FAAH: variants seen among roughly 807,000 people sequenced by gnomAD.
FAAH encodes fatty acid amide hydrolase.
A neutral mutation model predicts 69.7 loss-of-function variants in FAAH; 63 were observed. The observed-to-expected ratio is 0.90, with a 90% CI of 0.74 to 1.12. The LOEUF (loss-of-function observed/expected upper bound fraction) is 1.12. Among genes scored for constraint, FAAH ranks in the 50% most tolerant of loss-of-function variants. FAAH has a pLI of 0.00. For missense variants in FAAH, 680 were observed against 755.0 expected (o/e 0.90, Z 1.16); for synonymous variants, 305 against 324.2 (o/e 0.94, Z 0.64).
intron 1 of FAAH, among the ~76,000 whole-genome samples, chr1:46,399,564 G>C (rs1664660026): frequency 6.6e-6 from 1 of 152,248 alleles, no homozygotes; most frequent in Non-Finnish European, 1.5e-5. Flanking sequence ...CAGGCACTCT[G>C]TGGGCGCCTT....
rs763796163 is a variant in FAAH at position 46,411,633 on chromosome 1, A to C, written c.1338A>C (p.Glu446Asp). Reference protein sequence around the residue: ...MKSRSAGKLWELQHEIEVYRK... With the variant: ...MKSRSAGKLWDLQHEIEVYRK... ...CCAGTTCGGCTGGAAAACTCTGGGA[A>C]CTGCAGCACGAGATCGAGGTGAGGC... The change falls in exon 12 of 15, where the codon GAA becomes GAC. Residue 446 changes from glutamate (E) to aspartate (D), a missense_variant. Glu to Asp is a conservative substitution (Grantham distance 45). Transcript: ENST00000243167. The surrounding 1 kb of genome is among the most constrained non-coding windows in gnomAD (Gnocchi z 4.8). The C allele has an allele frequency of 1.2e-6, 2 of 1,613,618 alleles. No homozygotes were observed. Among genetic ancestry groups the C allele is most frequent in the South Asian group, 2.2e-5 (2 of 91,050 alleles).
Position 46,408,573 on chromosome 1 carries a change from G to C in FAAH, c.1066G>C (p.Ala356Pro). The change falls in exon 8 of 15, where the codon GCG becomes CCG. Residue 356 changes from alanine to proline, a missense_variant. By Grantham distance (27) the Ala-to-Pro change is conservative (BLOSUM62 -1). Coordinates refer to ENST00000243167, the MANE Select transcript of FAAH (RefSeq NM_001441.3). ...VLETKQSLEAAGHTLVPFLPS... is the reference protein window; with the variant it reads ...VLETKQSLEAPGHTLVPFLPS... ...GGAGACCAAACAGAGCCTTGAGGCT[G>C]CGGGGCACACGGTATGACTGCAGGG... 1 of 1,614,208 alleles carries C rather than the reference G, an allele frequency of 6.2e-7. No individual in the cohort carries two copies. The highest frequency in any genetic ancestry group is 1.3e-5 in the African/African-American group (1 of 75,056).
In FAAH at chr1:46,405,971, T is replaced by C. The variant is rs1664786680; in HGVS notation, c.786-67T>C. The C allele has an allele frequency of 1.9e-6, 3 of 1,613,498 alleles. No homozygotes were observed. The highest frequency in any genetic ancestry group is 1.7e-5 in the Admixed American group (1 of 60,008). ...CAAAGCGGTGAGTGTTCAGAGCTGC[T>C]CTGTGGGTGTGGGGATGGCGGCGGG... On this transcript the variant is annotated intron_variant, in intron 5 of 14. Transcript: ENST00000243167. The surrounding 1 kb of genome is among the most constrained non-coding windows in gnomAD (Gnocchi z 4.1).
intron 1 of FAAH, among the ~76,000 whole-genome samples, chr1:46,399,351 T>A (rs932600532): frequency 6.6e-6 from 1 of 152,242 alleles, no homozygotes; most frequent in African/African-American, 2.4e-5. Context: ...GGTTTCCGCA[T>A]GTTCACTGAT....
Position 46,405,339 on chromosome 1 carries a change from T to TCAA in FAAH, c.445-31_445-30insACA. The stretch of plus-strand genomic sequence containing the variant: ...CCCTTGGCTGCCCACGGGCCCTGAC[T>TCAA]CACTCCCTTCTGGTGCCCATCCCTC... On this transcript the variant is annotated intron_variant, in intron 3 of 14. Transcript: ENST00000243167. This position sits in a 1 kb window ranked among gnomAD's most constrained non-coding sequence, Gnocchi z 4.1. 1 of 1,606,958 alleles carries TCAA rather than the reference T, an allele frequency of 6.2e-7. No homozygotes were observed. Among genetic ancestry groups the TCAA allele is most frequent in the African/African-American group, 1.3e-5 (1 of 75,034 alleles).
chr1:46,398,539 CT>C (rs549332217), intron 1 of FAAH, among the ~76,000 whole-genome samples: 121 of 144,562 alleles, frequency 8.4e-4, no homozygotes, highest in South Asian at 8.7e-4. Flanking sequence ...AACCAAGATT[CT>C]TTTTTTTTTT....
chr1:46,398,339 C>T (rs1418678444), intron 1 of FAAH, among the ~76,000 whole-genome samples: 1 of 152,160 alleles, frequency 6.6e-6, no homozygotes, highest in Non-Finnish European at 1.5e-5. Flanking sequence ...TTCTGTTTGG[C>T]TCTGGAGTCC....
Position 46,404,960 on chromosome 1 carries a change from A to G in FAAH, c.310-54A>G. The G allele has an allele frequency of 2.5e-6, 4 of 1,612,862 alleles. No homozygotes were observed. Among genetic ancestry groups the G allele is most frequent in the Non-Finnish European group, 3.4e-6 (4 of 1,179,678 alleles). On this transcript the variant is annotated intron_variant, in intron 2 of 14. Coordinates refer to ENST00000243167, the MANE Select transcript of FAAH (RefSeq NM_001441.3). The surrounding 1 kb of genome is among the most constrained non-coding windows in gnomAD (Gnocchi z 4.5). ...TCTACATGATGTATATTTCACCACA[A>G]TTTCTTAAAAAGGCCAGCCTCCTTT...
At chr1:46,396,571 C>T (rs1664601230) in intron 1 of FAAH, among the ~76,000 whole-genome samples, 1 of 152,014 alleles carries the variant, frequency 6.6e-6, no homozygotes, top group African/African-American at 2.4e-5. Flanking sequence ...GCATTGTGCC[C>T]CTGGGTACTC....
At position 46,394,571 on chromosome 1, in the gene FAAH, C is replaced by T; in HGVS notation, c.195+28C>T. 3 of 1,323,696 alleles carry T rather than the reference C, an allele frequency of 2.3e-6. No individual in the cohort carries two copies. In the African/African-American group the frequency reaches 4.6e-5, roughly 20 times the overall value. 82.0% of individuals were successfully genotyped at this position (1,323,696 alleles called of 1,614,324 possible). A position where few individuals can be genotyped will look rare whatever the true frequency, so the allele number is the denominator to read the frequency against. The stretch of plus-strand genomic sequence containing the variant: ...GACTGCCGGAGCGTAGTGGGATGGG[C>T]GCGGCCTGAGGGTACTCGCAGCGGC... On this transcript the variant is annotated intron_variant, in intron 1 of 14. Transcript: ENST00000243167.
intron 2 of FAAH, among the ~76,000 whole-genome samples, chr1:46,402,944 C>T (rs1162102653): frequency 1.3e-5 from 2 of 152,114 alleles, no homozygotes; most frequent in Non-Finnish European, 2.9e-5. Flanking sequence ...CCACCCGCCT[C>T]GGTCTCCCAA....
chr1:46,404,749 A>G lies in FAAH; in HGVS notation c.310-265A>G, dbSNP rs1023690596. Among the ~76,000 whole-genome samples, 23 of 152,164 alleles carry G rather than the reference A, an allele frequency of 1.5e-4. No homozygotes were observed. Among genetic ancestry groups the G allele is most frequent in the South Asian group, 2.1e-4 (1 of 4,826 alleles). ...TACCTGGGGGGCACCTGAGGCCAGTATCTTGCTCCCTTGAGTGTCCCGGTT... is the reference window on the plus strand; with the variant it reads ...TACCTGGGGGGCACCTGAGGCCAGTGTCTTGCTCCCTTGAGTGTCCCGGTT... On this transcript the variant is annotated intron_variant, in intron 2 of 14. Coordinates refer to ENST00000243167, the MANE Select transcript of FAAH (RefSeq NM_001441.3). The surrounding 1 kb of genome is among the most constrained non-coding windows in gnomAD (Gnocchi z 4.5).
rs148653413 is a variant in FAAH at position 46,405,426 on chromosome 1, G to A, written c.499G>A (p.Asp167Asn). The change falls in exon 4 of 15, where the codon GAC becomes AAC. Residue 167 changes from aspartate to asparagine, a missense_variant. Physicochemically the swap from Asp to Asn is conservative, Grantham distance 23. Coordinates refer to ENST00000243167, the MANE Select transcript of FAAH (RefSeq NM_001441.3). This position sits in a 1 kb window ranked among gnomAD's most constrained non-coding sequence, Gnocchi z 4.1. ...GAATGAAGGGGTGCCGGCGGAGTGC[G>A]ACAGCGTAGTGGTGCATGTGCTGAA... ...SLNEGVPAEC[D>N]SVVVHVLKLQ... is the part of the protein sequence containing the mutation. The A allele has an allele frequency of 1.2e-5, 19 of 1,612,178 alleles. No individual in the cohort carries two copies. In the Admixed American group the frequency reaches 1.5e-4, roughly 13 times the overall value.
Position 46,406,251 on chromosome 1 carries a change from C to G in FAAH, c.834C>G (p.Leu278=). The G allele has an allele frequency of 6.2e-7, 1 of 1,614,066 alleles. No individual in the cohort carries two copies. The highest frequency in any genetic ancestry group is 8.5e-7 in the Non-Finnish European group (1 of 1,180,036). ...CACCTCTCTGCCCCACAGTGCGTCTCTCCGTGGGCCCCATGGCCCGGGACG... is the reference window on the plus strand; with the variant it reads ...CACCTCTCTGCCCCACAGTGCGTCTGTCCGTGGGCCCCATGGCCCGGGACG... ...GCVYGQEAVR[L]SVGPMARDVE... Residue 278 remains leucine, a synonymous_variant, in exon 7 of 15, where the codon CTC becomes CTG. Transcript: ENST00000243167.
At chr1:46,412,976 G>C in intron 13 of FAAH, 99 bp from the exon 14 acceptor site, 1 of 1,428,612 alleles carries the variant, frequency 7.0e-7, no homozygotes, top group Non-Finnish European at 9.7e-7. Flanking sequence ...TTCTCTGGCT[G>C]TAGACACAGG....
rs750510072 is a variant in FAAH at position 46,394,335 on chromosome 1, A to G, written c.-14A>G. On this transcript the variant is annotated 5_prime_UTR_variant, in exon 1 of 15. Coordinates refer to ENST00000243167, the MANE Select transcript of FAAH (RefSeq NM_001441.3). Reference sequence around the variant, plus strand: ...TTCAACTGTCGCGGTAGGCAGCAGCAGGCTGAAGGGATCATGGTGCAGTAC... The same window carrying G: ...TTCAACTGTCGCGGTAGGCAGCAGCGGGCTGAAGGGATCATGGTGCAGTAC... 3.2e-6 allele frequency: 5 copies of G among 1,556,118 alleles called. No homozygotes were observed. The highest frequency in any genetic ancestry group is 5.0e-5 in the East Asian group (2 of 40,096).
Position 46,402,203 on chromosome 1 carries a change from A to G in FAAH, c.308A>G (p.Lys103Arg). The G allele has an allele frequency of 6.3e-7, 1 of 1,587,318 alleles. No individual in the cohort carries two copies. Among genetic ancestry groups the G allele is most frequent in the Non-Finnish European group, 8.5e-7 (1 of 1,170,400 alleles). Reference sequence around the variant, plus strand: ...GCCGTGCTCTTCACCTATGTGGGAAAGGTAAGGCCAGCCAAGGCCAGCCCC... The same window carrying G: ...GCCGTGCTCTTCACCTATGTGGGAAGGGTAAGGCCAGCCAAGGCCAGCCCC... The part of the protein sequence containing the change: ...PEAVLFTYVG[K>R]AWEVNKGTNC... Residue 103 changes from lysine to arginine, a missense_variant and splice_region_variant, in exon 2 of 15, where the codon AAG (lysine) becomes AGG (arginine). Lys to Arg is a conservative substitution (Grantham distance 26). Transcript: ENST00000243167.
At position 46,410,696 on chromosome 1, in the gene FAAH, C is replaced by T. The variant is rs1664896533; in HGVS notation, c.1276-118C>T. The T allele has an allele frequency of 1.3e-5, 18 of 1,335,234 alleles. No individual in the cohort carries two copies. Among genetic ancestry groups the T allele is most frequent in the Non-Finnish European group, 1.8e-5 (17 of 927,424 alleles). The allele number at this position is 1,335,234 out of a possible 1,614,324, so 82.7% of individuals were successfully genotyped here. On this transcript the variant is annotated intron_variant, in intron 10 of 14. Coordinates refer to ENST00000243167, the MANE Select transcript of FAAH (RefSeq NM_001441.3). The surrounding 1 kb of genome is among the most constrained non-coding windows in gnomAD (Gnocchi z 4.9). The stretch of plus-strand genomic sequence containing the variant: ...CCAACCCGCATGCTGAAAGGGGTGC[C>T]GACCTGGGCCCTGGGGGGAGGCATG...
chr1:46,401,377 C>T lies in FAAH; in HGVS notation c.196-714C>T, dbSNP rs188816864. Among the ~76,000 whole-genome samples, 40 of 152,216 alleles carry T rather than the reference C, an allele frequency of 2.6e-4. 2 individuals carry two copies. Among genetic ancestry groups the T allele is most frequent in the East Asian group, 2.5e-3 (13 of 5,184 alleles). ...CTGGAACACTCACTGTGAGGGTCTG[C>T]GGCTTCATTCTTGAAGTCAGTGAGA... On this transcript the variant is annotated intron_variant, in intron 1 of 14. Coordinates refer to ENST00000243167, the MANE Select transcript of FAAH (RefSeq NM_001441.3).
Sources: gnomAD v4.1 joint callset for allele counts (sites outside exome capture counted in the v4.1 genomes callset) on GRCh38, gnomAD v4.1.1 for gene constraint, Gnocchi (gnomAD v3.1) non-coding constraint, MANE v1.5 for transcripts, NCBI Gene and HGNC (gene_info 2026-07-23, HGNC 2026-07-21) for gene names.